Variants in UNC13C observed in about 807,000 individuals in gnomAD.
UNC13C encodes unc-13 homolog C.
Under a neutral mutation model 245.4 loss-of-function variants are expected in UNC13C, and 174 were observed. That is an observed-to-expected ratio of 0.71 (90% CI 0.63 to 0.80). The LOEUF is 0.80. Ranked by LOEUF, UNC13C falls within the 30% of genes least tolerant of loss-of-function variation. The pLI, the probability that UNC13C is intolerant of heterozygous loss-of-function variation, is 0.00. For missense variants in UNC13C, 2,829 were observed against 2,602.9 expected, an observed-to-expected ratio of 1.09 and a Z score of -1.89; for synonymous variants, 992 against 895.1, an observed-to-expected ratio of 1.11 and a Z score of -1.93.
At chr15:54,117,639 T>C (rs1412555281) in intron 2 of UNC13C, among the ~76,000 whole-genome samples, 1 of 151,488 alleles carries the variant, frequency 6.6e-6, no homozygotes, top group African/African-American at 2.4e-5. Context: ...TGGAGTGCAT[T>C]GGGACAATCT....
At chr15:53,928,029 T>A in the UNC13C span, among the ~76,000 whole-genome samples, 8 of 152,110 alleles carry the variant, frequency 5.3e-5, no homozygotes, top group African/African-American at 1.9e-4. Flanking sequence ...ATAAAGGACG[T>A]CTACATGTTG....
At chr15:54,067,050 C>T (rs1467879813) in intron 2 of UNC13C, among the ~76,000 whole-genome samples, 1 of 152,066 alleles carries the variant, frequency 6.6e-6, no homozygotes, top group African/African-American at 2.4e-5. Flanking sequence ...AGCCCTGGCT[C>T]ATGCTGATAT....
At chr15:54,435,399 A>G (rs1180992457) in intron 19 of UNC13C, among the ~76,000 whole-genome samples, 1 of 152,120 alleles carries the variant, frequency 6.6e-6, no homozygotes, top group Non-Finnish European at 1.5e-5. Flanking sequence ...ATACAGCCAT[A>G]AAAAAGGATG....
chr15:54,555,939 A>C lies in UNC13C; in HGVS notation c.5958+427A>C, dbSNP rs912444764. 2.6e-5 allele frequency among the ~76,000 whole-genome samples: 4 copies of C among 152,088 alleles called. No individual in the cohort carries two copies. The East Asian group carries it at 7.7e-4, about 29-fold the overall frequency. On this transcript the variant is annotated intron_variant, in intron 29 of 32. Coordinates refer to ENST00000260323, the MANE Select transcript of UNC13C (RefSeq NM_001080534.3). ...TATGCATGTTGAAATTATTTTTAAA[A>C]TATCAACCCTCCCTTCTCGCTTAGT...
chr15:54,228,168 A>C (rs953675410), intron 4 of UNC13C, among the ~76,000 whole-genome samples: 12 of 152,138 alleles, frequency 7.9e-5, no homozygotes, highest in African/African-American at 2.9e-4. Context: ...GCCTGGCTAC[A>C]GTCAGCGTTC....
At chr15:54,089,456 A>G (rs949251391) in intron 2 of UNC13C, among the ~76,000 whole-genome samples, 1 of 149,884 alleles carries the variant, frequency 6.7e-6, no homozygotes, top group East Asian at 2.0e-4. Context: ...TAGATTTCAG[A>G]TAAGAGCAGT....
At chr15:54,536,321 A>C (rs1895979733) in intron 26 of UNC13C, among the ~76,000 whole-genome samples, 1 of 152,040 alleles carries the variant, frequency 6.6e-6, no homozygotes, top group Non-Finnish European at 1.5e-5. Context: ...ATGAGTTCTG[A>C]AATGGAATCA....
At chr15:53,855,849 C>A in the UNC13C span, among the ~76,000 whole-genome samples, 1 of 152,096 alleles carries the variant, frequency 6.6e-6, no homozygotes, top group East Asian at 1.9e-4. Context: ...TCTTTTGGAA[C>A]AGTTTGAGTA....
intron 19 of UNC13C, among the ~76,000 whole-genome samples, chr15:54,448,517 A>C (rs906530669): frequency 6.6e-6 from 1 of 151,978 alleles, no homozygotes; most frequent in Non-Finnish European, 1.5e-5. Flanking sequence ...TGATCCCTTT[A>C]CCATTATGTA....
At chr15:54,391,577 A>G (rs1263528868) in intron 17 of UNC13C, among the ~76,000 whole-genome samples, 1 of 152,148 alleles carries the variant, frequency 6.6e-6, no homozygotes, top group Non-Finnish European at 1.5e-5. Flanking sequence ...CTCGGGGATC[A>G]TATATACATA....
At chr15:53,961,991 T>C in the UNC13C span, among the ~76,000 whole-genome samples, 1 of 152,252 alleles carries the variant, frequency 6.6e-6, no homozygotes, top group African/African-American at 2.4e-5. Flanking sequence ...GATTTTATTA[T>C]CAAATTTTAG....
intron 17 of UNC13C, among the ~76,000 whole-genome samples, chr15:54,348,217 G>A (rs1012735751): frequency 6.6e-6 from 1 of 152,090 alleles, no homozygotes; most frequent in Admixed American, 6.5e-5. Context: ...TGTAGTAGGT[G>A]TGTAAAAAAT....
the UNC13C span, among the ~76,000 whole-genome samples, chr15:53,926,236 C>T: frequency 2.0e-5 from 3 of 151,678 alleles, no homozygotes; most frequent in Non-Finnish European, 4.4e-5. Context: ...AAATAGTCAT[C>T]TTCAAGGGAG....
At chr15:54,273,082 A>G (rs1407409620) in intron 10 of UNC13C, among the ~76,000 whole-genome samples, 1 of 152,194 alleles carries the variant, frequency 6.6e-6, no homozygotes, top group Non-Finnish European at 1.5e-5. Flanking sequence ...GTGGGTAAAA[A>G]GGACTGTTCT....
At chr15:54,491,816 C>T (rs1452825324) in intron 19 of UNC13C, among the ~76,000 whole-genome samples, 3 of 152,014 alleles carry the variant, frequency 2.0e-5, no homozygotes, top group Non-Finnish European at 4.4e-5. Context: ...TGGTGAAACC[C>T]CGTCTCTACT....
At chr15:54,447,042 A>C (rs1000315479) in intron 19 of UNC13C, among the ~76,000 whole-genome samples, 7 of 152,126 alleles carry the variant, frequency 4.6e-5, no homozygotes, top group Admixed American at 2.0e-4. Flanking sequence ...GCCTCTATTG[A>C]GGTAATCATG....
At chr15:54,629,530 T>G (rs937312973), downstream of UNC13C, 16 of 152,194 alleles carry the variant, frequency 1.1e-4, no homozygotes, top group Non-Finnish European at 1.5e-5. Flanking sequence ...AAAATAAGGA[T>G]GAACTAATGT....
chr15:54,435,738 T>G (rs2040970038), intron 19 of UNC13C, among the ~76,000 whole-genome samples: 1 of 125,496 alleles, frequency 8.0e-6, no homozygotes, highest in African/African-American at 2.9e-5. Context: ...ATAATAGATT[T>G]AAAAAATAAT....
the UNC13C span, among the ~76,000 whole-genome samples, chr15:53,892,555 T>C: frequency 6.6e-6 from 1 of 152,210 alleles, no homozygotes; most frequent in African/African-American, 2.4e-5. Context: ...CCCATGTTTC[T>C]TGGAGGCTTT....
Sources: gnomAD v4.1 joint callset for allele counts (sites outside exome capture counted in the v4.1 genomes callset) on GRCh38, gnomAD v4.1.1 for gene constraint, MANE v1.5 for transcripts, NCBI Gene and HGNC (gene_info 2026-07-23, HGNC 2026-07-21) for gene names.